Variants in EIF4G1 observed in about 807,000 individuals in gnomAD.
The protein encoded by EIF4G1 is EIF4-gamma.
EIF4G1 carries 4 observed loss-of-function variants against 187.8 expected under a neutral mutation model. The observed-to-expected ratio is 0.02, with a 90% CI of 0.01 to 0.05. The LOEUF is 0.05. Among genes scored for constraint, EIF4G1 ranks in the 10% least tolerant of loss-of-function variants. The pLI is 1.00. For missense variants in EIF4G1, 1,647 were observed against 2,081.1 expected (o/e 0.79, Z 4.06); for synonymous variants, 844 against 781.4 (o/e 1.08, Z -1.34).
rs940435791 is a variant in EIF4G1, at chr3:184,324,935, C to A, written c.2677C>A (p.Arg893=). ...GGAAGAGGCTCGGGACATAGCCCGGCGGCGCTCTTTAGGGAATATCAAGTT... is the reference window on the plus strand; with the variant it reads ...GGAAGAGGCTCGGGACATAGCCCGGAGGCGCTCTTTAGGGAATATCAAGTT... ...ELEEARDIAR[R]RSLGNIKFIG... The change falls in exon 18 of 33, where the codon CGG becomes AGG. Residue 893 remains arginine (R), a synonymous_variant. Transcript: ENST00000346169. 1 of 1,614,184 alleles carries A rather than the reference C, an allele frequency of 6.2e-7. No homozygotes were observed. Among genetic ancestry groups the A allele is most frequent in the Admixed American group, 1.7e-5 (1 of 60,020 alleles).
chr3:184,320,503 T>A (rs1577200484), intron 7 of EIF4G1, 127 bp from the exon 8 acceptor site: 2 of 1,562,980 alleles, frequency 1.3e-6, no homozygotes, highest in Admixed American at 3.8e-5. Context: ...ACTCAAGGGG[T>A]TTCTGGCACC....
rs200013849 is a variant in EIF4G1 at position 184,320,712 on chromosome 3, C to T, written c.620C>T (p.Thr207Ile). The T allele has an allele frequency of 6.2e-7, 1 of 1,614,180 alleles. No homozygotes were observed. Among genetic ancestry groups the T allele is most frequent in the East Asian group, 2.2e-5 (1 of 44,878 alleles). ...GGGGCCCGCACTGCCTCCACACCCA[C>T]CCCTCCCCAGGTACTGTCTGCTTTT... Reference protein sequence around the residue: ...MSGARTASTPTPPQTGGGLEP... With the variant: ...MSGARTASTPIPPQTGGGLEP... The change falls in exon 8 of 33, where the codon ACC (threonine) becomes ATC (isoleucine). Residue 207 changes from threonine to isoleucine, a missense_variant. By Grantham distance (89) the Thr-to-Ile change is moderately conservative (BLOSUM62 -1). Transcript: ENST00000346169.
Position 184,320,707 on chromosome 3 carries a change from A to G in EIF4G1, c.615A>G (p.Thr205=). ...TGTCTGGGGCCCGCACTGCCTCCAC[A>G]CCCACCCCTCCCCAGGTACTGTCTG... ...EIMSGARTAS[T]PTPPQTGGGL... The change falls in exon 8 of 33, where the codon ACA becomes ACG. Residue 205 remains threonine (T), a synonymous_variant. Transcript: ENST00000346169. The G allele has an allele frequency of 1.2e-6, 2 of 1,613,944 alleles. No homozygotes were observed. Among genetic ancestry groups the G allele is most frequent in the Non-Finnish European group, 1.7e-6 (2 of 1,179,968 alleles).
At chr3:184,316,810 G>A in intron 4 of EIF4G1, 1 of 1,457,598 alleles carries the variant, frequency 6.9e-7, no homozygotes, top group Admixed American at 1.8e-5. Flanking sequence ...GCTAGACACA[G>A]GGAATGGGGA....
rs1039522802 is a variant in EIF4G1 at position 184,334,784 on chromosome 3, C to T, written c.4676C>T (p.Ala1559Val). The T allele has an allele frequency of 6.2e-7, 1 of 1,614,078 alleles. No homozygotes were observed. Among genetic ancestry groups the T allele is most frequent in the Non-Finnish European group, 8.5e-7 (1 of 1,180,050 alleles). ...LYDEDVVKED[A>V]FYSWESSKDP... ...GACGAGGACGTGGTGAAGGAGGATG[C>T]CTTCTACAGTTGGGAGAGTAGCAAG... The change falls in exon 33 of 33, where the codon GCC becomes GTC. Residue 1559 changes from alanine (A) to valine (V), a missense_variant. Ala to Val is a moderately conservative substitution (Grantham distance 64). Around this residue, in one of 11 missense-constraint regions of EIF4G1, gnomAD observed 543 missense variants for 638.0 expected, o/e 0.85. Transcript: ENST00000346169. The surrounding 1 kb of genome is among the most constrained non-coding windows in gnomAD (Gnocchi z 5.8).
At chr3:184,316,841 T>C in intron 4 of EIF4G1, 1 of 1,244,666 alleles carries the variant, frequency 8.0e-7, no homozygotes, top group East Asian at 2.3e-5. Flanking sequence ...AGTGACTTGT[T>C]TGGTGTCCAG....
In EIF4G1 at chr3:184,331,939, C is replaced by A. The variant is rs1188538282; in HGVS notation, c.4478-7C>A. 3 of 1,613,842 alleles carry A rather than the reference C, an allele frequency of 1.9e-6. No individual in the cohort carries two copies. The stretch of plus-strand genomic sequence containing the variant: ...ATATTGCTCCACTCATCCCTGTCTT[C>A]TTGTAGTTGAGACTCCCCTCCGAGT... On this transcript the variant is annotated splice_polypyrimidine_tract_variant and splice_region_variant and intron_variant, in intron 31 of 32. Transcript: ENST00000346169.
At position 184,327,508 on chromosome 3, in the gene EIF4G1, C is replaced by G. The variant is rs1184209209; in HGVS notation, c.3661+60C>G. 19 of 1,611,196 alleles carry G rather than the reference C, an allele frequency of 1.2e-5. No individual in the cohort carries two copies. In the East Asian group the frequency reaches 4.2e-4, roughly 36 times the overall value. On this transcript the variant is annotated intron_variant, in intron 24 of 32. Transcript: ENST00000346169. ...TTGGCTGCCTTGGGACTAGCTGGTC[C>G]CCAGCTTTTTGAGAGCTCCAAATCT... is the stretch of plus-strand genomic sequence containing the variant.
chr3:184,316,096 T>G, intron 3 of EIF4G1, 36 bp from the exon 4 acceptor site: 1 of 1,613,806 alleles, frequency 6.2e-7, no homozygotes, highest in Non-Finnish European at 8.5e-7. Context: ...CCACCTGGGC[T>G]TCCCCTCTTG....
At chr3:184,316,946 T>C (rs988031607) in intron 4 of EIF4G1, among the ~76,000 whole-genome samples, 2 of 152,088 alleles carry the variant, frequency 1.3e-5, no homozygotes. Flanking sequence ...TATGGTTAGC[T>C]CCTCATTACA....
chr3:184,328,165 C>G, intron 26 of EIF4G1, 163 bp downstream of exon 26: 4 of 768,120 alleles, frequency 5.2e-6, no homozygotes, highest in Non-Finnish European at 8.8e-6. Context: ...GGGTTGGATT[C>G]CTTAGAGGAT....
Position 184,316,172 on chromosome 3 carries a change from G to GTAC in EIF4G1, c.102_104dup (p.Thr35dup). On this transcript the variant is annotated inframe_insertion, in exon 4 of 33. Transcript: ENST00000346169. ...GGGCAGACAGCGCCGGTGGTGTTCA[G>GTAC]TACGCCACAAGCGACACAAATGAAC... 6.2e-7 allele frequency: 1 copy of GTAC among 1,614,144 alleles called. No individual in the cohort carries two copies. Among genetic ancestry groups the GTAC allele is most frequent in the Non-Finnish European group, 8.5e-7 (1 of 1,180,028 alleles).
rs957875428 is a variant in EIF4G1, at chr3:184,323,330, G to T, written c.2089-78G>T. On this transcript the variant is annotated intron_variant, in intron 14 of 32. Transcript: ENST00000346169. This position sits in a 1 kb window ranked among gnomAD's most constrained non-coding sequence, Gnocchi z 6.9. The stretch of plus-strand genomic sequence containing the variant: ...GTGCCCGCGGGGAGGGGTTTGCCCT[G>T]GAGGCGTGTAGTAGTGGTGTCACAT... 36 of 1,611,434 alleles carry T rather than the reference G, an allele frequency of 2.2e-5. No individual in the cohort carries two copies. Among genetic ancestry groups the T allele is most frequent in the Non-Finnish European group, 3.0e-5 (35 of 1,178,260 alleles).
At chr3:184,332,709 G>A (rs998439682) in intron 32 of EIF4G1, among the ~76,000 whole-genome samples, 4 of 152,174 alleles carry the variant, frequency 2.6e-5, no homozygotes, top group Admixed American at 2.0e-4. Context: ...AGGGGAGGGG[G>A]AGAATGTTTG....
Position 184,321,768 on chromosome 3 carries a change from C to G in EIF4G1, c.1184C>G (p.Ala395Gly). 1.2e-6 allele frequency: 2 copies of G among 1,608,942 alleles called. No homozygotes were observed. Among genetic ancestry groups the G allele is most frequent in the Non-Finnish European group, 8.5e-7 (1 of 1,175,994 alleles). ...CCCTCCGAATCCCCTGTGCCCATTGCTCCAACTGCCCAACCTGAGGAACTG... is the reference window on the plus strand; with the variant it reads ...CCCTCCGAATCCCCTGTGCCCATTGGTCCAACTGCCCAACCTGAGGAACTG... ...ACPSESPVPI[A>G]PTAQPEELLN... Residue 395 changes from alanine (A) to glycine (G), a missense_variant, in exon 10 of 33, where the codon GCT becomes GGT. Ala to Gly is a moderately conservative substitution (Grantham distance 60, BLOSUM62 0). This residue lies in a region of EIF4G1 where 522 missense variants were observed against 485.2 expected (regional missense o/e 1.08). Coordinates refer to ENST00000346169, the MANE Select transcript of EIF4G1 (RefSeq NM_198241.3).
rs185443574 is a variant in EIF4G1 at position 184,315,869 on chromosome 3, G to A, written c.60+13G>A. 2.6e-4 allele frequency: 405 copies of A among 1,546,646 alleles called. 3 individuals carry two copies. The East Asian group carries it at 8.9e-3, about 34-fold the overall frequency. ...CGGACTCCCACAGGTAATTAGGGAG[G>A]AATTAGCAGGGGTGGGGGTGGGGGA... On this transcript the variant is annotated intron_variant, in intron 3 of 32. Coordinates refer to ENST00000346169, the MANE Select transcript of EIF4G1 (RefSeq NM_198241.3).
intron 23 of EIF4G1, 32 bp downstream of exon 23, chr3:184,327,015 A>G (rs376148808): frequency 3.1e-6 from 5 of 1,612,978 alleles, no homozygotes; most frequent in African/African-American, 2.7e-5. Context: ...TGTTATTCAC[A>G]CTGGGGGTAC....
chr3:184,316,084 C>T (rs1328467936), intron 3 of EIF4G1, 48 bp from the exon 4 acceptor site: 10 of 1,611,728 alleles, frequency 6.2e-6, no homozygotes, highest in Non-Finnish European at 8.5e-6. Context: ...TGGGTTTCTG[C>T]CCCACCTGGG....
chr3:184,316,443 G>A (rs1176416210), intron 4 of EIF4G1, among the ~76,000 whole-genome samples: 1 of 152,186 alleles, frequency 6.6e-6, no homozygotes, highest in Non-Finnish European at 1.5e-5. Context: ...GTGCCTCTGA[G>A]AATTGGGGGC....
Sources: allele counts gnomAD v4.1 joint callset (sites outside exome capture counted in the v4.1 genomes callset), GRCh38; gene constraint gnomAD v4.1.1; regional missense constraint gnomAD v4.1.1; non-coding constraint Gnocchi (gnomAD v3.1); transcripts MANE v1.5; gene names NCBI Gene and HGNC (gene_info 2026-07-23, HGNC 2026-07-21).